Variants in MAST3 observed in about 807,000 individuals in gnomAD.
MAST3 encodes the protein microtubule-associated serine/threonine-protein kinase 3.
MAST3 carries 43 observed loss-of-function variants against 127.0 expected under a neutral mutation model. The ratio of observed to expected loss-of-function variants is 0.34; its 90% CI spans 0.27 to 0.44. The LOEUF (loss-of-function observed/expected upper bound fraction) is 0.44, where lower values mean the gene tolerates loss of function less well. Ranked by LOEUF, MAST3 falls within the 20% of genes least tolerant of loss-of-function variation. The probability of loss-of-function intolerance (pLI) is 1.00; values close to 1 mark genes in which losing one functional copy is unlikely to be tolerated. For missense variants in MAST3, 1,390 were observed against 1,919.1 expected (o/e 0.72, Z 5.15); for synonymous variants, 785 against 809.2 (o/e 0.97, Z 0.51).
At chr19:18,109,888 C>A (rs1418238016) in intron 2 of MAST3, 1 of 959,344 alleles carries the variant, frequency 1.0e-6, no homozygotes, top group East Asian at 1.2e-4. Flanking sequence ...CCAGAGAGCC[C>A]CAGGGCCGGG....
At position 18,149,458 on chromosome 19, in the gene MAST3, G is replaced by A. The variant is rs2043367278; in HGVS notation, c.3776G>A (p.Gly1259Asp). The A allele has an allele frequency of 6.5e-7, 1 of 1,536,474 alleles. No individual in the cohort carries two copies. The highest frequency in any genetic ancestry group is 1.4e-5 in the African/African-American group (1 of 72,446). ...APARSPRLRR[G>D]QSADKLGTGE... ...GCCCGATCCCCGCGGCTGCGCCGGG[G>A]CCAGTCAGCTGACAAGCTGGGCACA... is the stretch of plus-strand genomic sequence containing the variant. Residue 1259 changes from glycine to aspartate, a missense_variant, in exon 28 of 28, where the codon GGC becomes GAC. Gly to Asp is a moderately conservative substitution (Grantham distance 94). Coordinates refer to ENST00000687212, the MANE Select transcript of MAST3 (RefSeq NM_001393504.1). This position sits in a 1 kb window ranked among gnomAD's most constrained non-coding sequence, Gnocchi z 5.9.
At chr19:18,124,825 G>C in intron 11 of MAST3, 51 bp downstream of exon 11, 1 of 1,540,616 alleles carries the variant, frequency 6.5e-7, no homozygotes, top group African/African-American at 1.4e-5. Flanking sequence ...CCGGATGGAG[G>C]CCAGGCACGG....
At chr19:18,122,216 C>T (rs1434249368) in intron 5 of MAST3, 1 of 794,216 alleles carries the variant, frequency 1.3e-6, no homozygotes, top group Non-Finnish European at 1.5e-6. Flanking sequence ...TTCATTCATT[C>T]ACTTAACAAG....
intron 10 of MAST3, 120 bp downstream of exon 10, chr19:18,124,486 G>C (rs963465066): frequency 7.6e-7 from 1 of 1,320,858 alleles, no homozygotes; most frequent in Admixed American, 2.1e-5. Flanking sequence ...AGGAACACAG[G>C]GTGCTATTGG....
intron 3 of MAST3, among the ~76,000 whole-genome samples, chr19:18,111,887 G>C (rs902612383): frequency 6.6e-6 from 1 of 152,192 alleles, no homozygotes. Context: ...CAACAGGGAG[G>C]TACCTTCCTT....
chr19:18,146,016 C>T (rs1033859650), intron 25 of MAST3, among the ~76,000 whole-genome samples, 151 bp downstream of exon 25: 1 of 152,212 alleles, frequency 6.6e-6, no homozygotes, highest in Non-Finnish European at 1.5e-5. Context: ...GCCCAGAATA[C>T]ATGTCCTTCT....
intron 15 of MAST3, among the ~76,000 whole-genome samples, chr19:18,132,911 T>C (rs1200224053): frequency 6.6e-6 from 1 of 152,200 alleles, no homozygotes. Flanking sequence ...AAGCCCAGCC[T>C]GGCCAACATA....
chr19:18,147,002 G>A lies in MAST3; in HGVS notation c.3284G>A (p.Arg1095Gln), dbSNP rs368995098. The A allele has an allele frequency of 4.3e-5, 67 of 1,574,048 alleles. No homozygotes were observed. The highest frequency in any genetic ancestry group is 7.0e-5 in the East Asian group (3 of 43,002). ...MARRSKRSRR[R>Q]ETQDRCAAVT... ...CGCAGGAGCAAGAGGAGCCGTCGGC[G>A]GGAGACCCAGGATCGGTGCGCGGCA... Residue 1095 changes from arginine (R) to glutamine (Q), a missense_variant, in exon 26 of 28, where the codon CGG becomes CAG. By Grantham distance (43) the Arg-to-Gln change is conservative. Around this residue, in one of 5 missense-constraint regions of MAST3, gnomAD observed 816 missense variants for 934.1 expected, o/e 0.87. Coordinates refer to ENST00000687212, the MANE Select transcript of MAST3 (RefSeq NM_001393504.1).
Position 18,145,678 on chromosome 19 carries a change from C to T in MAST3, c.3040-65C>T. ...TGCTGGGGTCCCACAGCAGACCCAG[C>T]CTGGGCTGGGGTCCCCAGATGTGGG... On this transcript the variant is annotated intron_variant, in intron 24 of 27. Transcript: ENST00000687212. This position sits in a 1 kb window ranked among gnomAD's most constrained non-coding sequence, Gnocchi z 5.9. The T allele has an allele frequency of 6.7e-7, 1 of 1,485,742 alleles. No individual in the cohort carries two copies. Among genetic ancestry groups the T allele is most frequent in the South Asian group, 1.4e-5 (1 of 71,718 alleles). 92.0% of individuals were successfully genotyped at this position (1,485,742 alleles called of 1,614,324 possible).
chr19:18,144,613 G>A lies in MAST3; in HGVS notation c.2732G>A (p.Ser911Asn). 2.5e-6 allele frequency: 4 copies of A among 1,611,800 alleles called. No homozygotes were observed. The highest frequency in any genetic ancestry group is 2.2e-5 in the East Asian group (1 of 44,892). Residue 911 changes from serine to asparagine, a missense_variant, in exon 23 of 28, where the codon AGC becomes AAC. By Grantham distance (46) the Ser-to-Asn change is conservative (BLOSUM62 1). Coordinates refer to ENST00000687212, the MANE Select transcript of MAST3 (RefSeq NM_001393504.1). The surrounding 1 kb of genome is among the most constrained non-coding windows in gnomAD (Gnocchi z 4.0). ...CCTGAGAAGTCCAGAGCCTCCTCCA[G>A]CGGTGGCAGTGGTGGCGGCAGTGGG... ...PAPEKSRASSSGGSGGGSGGR... is the reference protein window; with the variant it reads ...PAPEKSRASSNGGSGGGSGGR...
At chr19:18,123,147 G>C in intron 6 of MAST3, 70 bp from the exon 7 acceptor site, 1 of 1,543,288 alleles carries the variant, frequency 6.5e-7, no homozygotes, top group Non-Finnish European at 8.9e-7. Flanking sequence ...GCCTTGAGGG[G>C]TGGTGCTGGG....
intron 11 of MAST3, among the ~76,000 whole-genome samples, chr19:18,126,065 A>C (rs528150436): frequency 6.6e-6 from 1 of 152,028 alleles, no homozygotes; most frequent in East Asian, 1.9e-4. Flanking sequence ...TTTCAAAAAA[A>C]AAAAGATGTA....
intron 3 of MAST3, among the ~76,000 whole-genome samples, chr19:18,116,707 T>C (rs1408362645): frequency 7.7e-6 from 1 of 130,632 alleles, no homozygotes; most frequent in East Asian, 2.8e-4. Context: ...GTCAGGAGTT[T>C]GAGACGAGCC....
rs2042775002 is a variant in MAST3 at position 18,143,956 on chromosome 19, G to A, written c.2533G>A (p.Asp845Asn). The change falls in exon 22 of 28, where the codon GAC (aspartate) becomes AAC (asparagine). Residue 845 changes from aspartate (D) to asparagine (N), a missense_variant. By Grantham distance (23) the Asp-to-Asn change is conservative. Around this residue, in one of 5 missense-constraint regions of MAST3, gnomAD observed 816 missense variants for 934.1 expected, o/e 0.87. Transcript: ENST00000687212. ...KRPVFILGEP[D>N]PPPAATPVMP... ...GCCCGTCTTCATTCTAGGGGAGCCT[G>A]ACCCCCCACCAGCGGCCACCCCAGT... 2.5e-6 allele frequency: 4 copies of A among 1,604,132 alleles called. No individual in the cohort carries two copies. Among genetic ancestry groups the A allele is most frequent in the South Asian group, 1.1e-5 (1 of 89,586 alleles).
Position 18,147,586 on chromosome 19 carries a change from C to G in MAST3, c.3470C>G (p.Thr1157Ser). 6.4e-7 allele frequency: 1 copy of G among 1,569,244 alleles called. No homozygotes were observed. Among genetic ancestry groups the G allele is most frequent in the East Asian group, 2.4e-5 (1 of 42,040 alleles). ...ACCCACAGCCTCTCCCCCAGCCCCA[C>G]CACTCCCTGCCGAAGCCCAGCCCCT... ...SPTHSLSPSP[T>S]TPCRSPAPDV... Residue 1157 changes from threonine to serine, a missense_variant, in exon 27 of 28, where the codon ACC becomes AGC. Around this residue, in one of 5 missense-constraint regions of MAST3, gnomAD observed 816 missense variants for 934.1 expected, o/e 0.87. Coordinates refer to ENST00000687212, the MANE Select transcript of MAST3 (RefSeq NM_001393504.1).
Position 18,143,789 on chromosome 19 carries a change from C to T in MAST3, c.2366C>T (p.Ser789Phe). ...IRLRSWTSSG[S>F]SCQSSSSQPE... ...CTGAGGTCCTGGACATCCTCTGGAT[C>T]CTCCTGTCAGTCATCTTCGTCCCAG... is the stretch of plus-strand genomic sequence containing the variant. The change falls in exon 22 of 28, where the codon TCC (serine) becomes TTC (phenylalanine). Residue 789 changes from serine to phenylalanine, a missense_variant. Ser to Phe is a radical substitution (Grantham distance 155). This residue lies in a region of MAST3 where 816 missense variants were observed against 934.1 expected (regional missense o/e 0.87). Coordinates refer to ENST00000687212, the MANE Select transcript of MAST3 (RefSeq NM_001393504.1). The T allele has an allele frequency of 6.2e-7, 1 of 1,613,722 alleles. No individual in the cohort carries two copies. Among genetic ancestry groups the T allele is most frequent in the Non-Finnish European group, 8.5e-7 (1 of 1,179,836 alleles).
At chr19:18,126,937 C>T (rs1313151584) in intron 11 of MAST3, among the ~76,000 whole-genome samples, 3 of 151,830 alleles carry the variant, frequency 2.0e-5, no homozygotes, top group African/African-American at 4.8e-5. Flanking sequence ...CCCGCCACCA[C>T]GCCCGGCTAA....
intron 11 of MAST3, among the ~76,000 whole-genome samples, chr19:18,125,045 T>G (rs1003637245): frequency 6.6e-6 from 1 of 151,974 alleles, no homozygotes; most frequent in Non-Finnish European, 1.5e-5. Flanking sequence ...AGATGGAGGT[T>G]GCAGTGAGCT....
At chr19:18,111,777 C>T (rs1415668811) in intron 3 of MAST3, among the ~76,000 whole-genome samples, 3 of 152,024 alleles carry the variant, frequency 2.0e-5, no homozygotes, top group African/African-American at 4.8e-5. Context: ...TCAGCCTCCC[C>T]AAGTGCTGGG....
Sources: gnomAD v4.1 joint callset for allele counts (sites outside exome capture counted in the v4.1 genomes callset) on GRCh38, gnomAD v4.1.1 for gene constraint, gnomAD v4.1.1 regional missense constraint, Gnocchi (gnomAD v3.1) non-coding constraint, MANE v1.5 for transcripts, NCBI Gene and HGNC (gene_info 2026-07-23, HGNC 2026-07-21) for gene names.